The following MCTP2 variants were observed in gnomAD, a reference collection of about 807,000 sequenced individuals.
The protein encoded by MCTP2 is multiple C2 and transmembrane domain-containing protein 2.
Under a neutral mutation model 111.6 loss-of-function variants are expected in MCTP2, and 132 were observed. That is an observed-to-expected ratio of 1.18 (90% CI 1.03 to 1.37). The LOEUF is 1.37. Among genes scored for constraint, MCTP2 ranks in the 40% most tolerant of loss-of-function variants. The pLI is 0.00. For missense variants in MCTP2, 1,183 were observed against 1,067.9 expected, an observed-to-expected ratio of 1.11 and a Z score of -1.50; for synonymous variants, 395 against 387.7, an observed-to-expected ratio of 1.02 and a Z score of -0.22.
chr15:94,460,681 G>A lies in MCTP2; in HGVS notation c.2360+2435G>A, dbSNP rs147215634. ...GAAGAGGGCAGAGTGATTTAAACAG[G>A]CTCCCAACCCTGCAGTGCTTTGAGG... On this transcript the variant is annotated intron_variant, in intron 20 of 22. Transcript: ENST00000357742. Among the ~76,000 whole-genome samples, 385 of 152,288 alleles carry A rather than the reference G, an allele frequency of 2.5e-3. 1 individual carries two copies. The highest frequency in any genetic ancestry group is 8.5e-3 in the African/African-American group (352 of 41,560).
At chr15:94,475,831 C>T (rs976970170) in intron 21 of MCTP2, among the ~76,000 whole-genome samples, 7 of 152,076 alleles carry the variant, frequency 4.6e-5, no homozygotes, top group Non-Finnish European at 7.4e-5. Context: ...AGGGGCAGAG[C>T]GTGTCCTGGA....
At chr15:94,456,125 T>TAA (rs969453081) in intron 19 of MCTP2, among the ~76,000 whole-genome samples, 2 of 152,358 alleles carry the variant, frequency 1.3e-5, no homozygotes, top group African/African-American at 4.8e-5. Context: ...CTTCTACTCT[T>TAA]AAAAGTATTA....
At chr15:94,369,689 TAC>T (rs1410719896) in intron 11 of MCTP2, among the ~76,000 whole-genome samples, 2 of 152,216 alleles carry the variant, frequency 1.3e-5, no homozygotes, top group African/African-American at 4.8e-5. Flanking sequence ...ATAAAGTTTG[TAC>T]TAACTAGGTC....
intron 1 of MCTP2, among the ~76,000 whole-genome samples, chr15:94,251,590 G>A (rs1021925932): frequency 6.6e-5 from 10 of 151,964 alleles, no homozygotes; most frequent in African/African-American, 2.2e-4. Context: ...AACTCCCGAC[G>A]TCGGGTGATC....
chr15:94,466,251 C>G (rs1390000983), intron 20 of MCTP2, among the ~76,000 whole-genome samples: 1 of 152,026 alleles, frequency 6.6e-6, no homozygotes, highest in African/African-American at 2.4e-5. Context: ...GGCTCTTACT[C>G]ATGGTGTCAT....
intron 8 of MCTP2, among the ~76,000 whole-genome samples, chr15:94,349,328 A>C (rs1405755301): frequency 6.6e-6 from 1 of 152,170 alleles, no homozygotes; most frequent in East Asian, 1.9e-4. Context: ...CTCTCCTCTC[A>C]GTGATGTTTG....
chr15:94,397,236 C>G (rs2081324753), intron 14 of MCTP2, among the ~76,000 whole-genome samples: 1 of 152,152 alleles, frequency 6.6e-6, no homozygotes, highest in Non-Finnish European at 1.5e-5. Flanking sequence ...TTTGCTGACA[C>G]AATGTGAGGG....
At chr15:94,412,667 GA>G (rs1442814960) in intron 17 of MCTP2, among the ~76,000 whole-genome samples, 1 of 151,920 alleles carries the variant, frequency 6.6e-6, no homozygotes, top group Non-Finnish European at 1.5e-5. Context: ...TCTCTTTAAG[GA>G]ATAGAGTATT....
At chr15:94,384,546 T>G (rs1409947982) in intron 13 of MCTP2, among the ~76,000 whole-genome samples, 1 of 152,172 alleles carries the variant, frequency 6.6e-6, no homozygotes, top group Non-Finnish European at 1.5e-5. Context: ...TTCCAGTTTA[T>G]CTGAGCGACC....
chr15:94,375,299 C>T (rs74028288), intron 12 of MCTP2, among the ~76,000 whole-genome samples: 6,101 of 152,248 alleles, frequency 0.04, 389 homozygotes, highest in African/African-American at 0.14. Context: ...TCCTGCTGGG[C>T]CCCACCTCCA....
intron 2 of MCTP2, 31 bp downstream of exon 2, chr15:94,298,761 TG>T (rs2075396617): frequency 2.3e-5 from 32 of 1,408,160 alleles, no homozygotes; most frequent in Middle Eastern, 2.1e-4. Context: ...TCTTTTTTTT[TG>T]TCTCTCTCTC....
intron 19 of MCTP2, among the ~76,000 whole-genome samples, chr15:94,452,267 A>T (rs1359541771): frequency 2.0e-5 from 3 of 152,244 alleles, no homozygotes; most frequent in Admixed American, 6.5e-5. Context: ...AATCAATAGC[A>T]TCTTGTTTTA....
At position 94,437,155 on chromosome 15, in the gene MCTP2, CAAAAAAAAAAAAAA is replaced by C. The variant is rs11352999; in HGVS notation, c.2086-3011_2086-2998del. Among the ~76,000 whole-genome samples the C allele has an allele frequency of 4.3e-5, 3 of 69,560 alleles. No individual in the cohort carries two copies. In the Admixed American group the frequency reaches 4.9e-4, roughly 11 times the overall value. 45.6% of individuals were successfully genotyped at this position (69,560 alleles called of 152,430 possible). A position where few individuals can be genotyped will look rare whatever the true frequency, so the allele number is the denominator to read the frequency against. ...TTCAAAAATTTCACACTTACACATCCAAAAAAAAAAAAAAAAAAAAAAAGAGGTTTAGCACTAGG... is the reference window on the plus strand; with the variant it reads ...TTCAAAAATTTCACACTTACACATCCAAAAAAAAAGAGGTTTAGCACTAGG... On this transcript the variant is annotated intron_variant, in intron 17 of 22. Coordinates refer to ENST00000357742, the MANE Select transcript of MCTP2 (RefSeq NM_001385001.1).
intron 2 of MCTP2, among the ~76,000 whole-genome samples, chr15:94,305,856 G>A (rs901541098): frequency 6.6e-6 from 1 of 152,092 alleles, no homozygotes; most frequent in African/African-American, 2.4e-5. Context: ...GGAGGGAGAG[G>A]AGCTTATTTT....
chr15:94,404,785 C>T (rs778720332), intron 17 of MCTP2, among the ~76,000 whole-genome samples: 6 of 152,160 alleles, frequency 3.9e-5, no homozygotes, highest in Admixed American at 6.5e-5. Context: ...GCTGTGTCCC[C>T]GAGTCTGTGG....
Position 94,470,452 on chromosome 15 carries a change from G to T in MCTP2, c.2470+10G>T, listed in dbSNP as rs2073825698. 3 of 1,541,438 alleles carry T rather than the reference G, an allele frequency of 1.9e-6. No homozygotes were observed. The highest frequency in any genetic ancestry group is 2.7e-5 in the African/African-American group (2 of 73,416). ...ATCATTTTAATCTGGGGTAAGTTTG[G>T]AATGGTCCTTTTGCTAGCAATCAAT... On this transcript the variant is annotated intron_variant, in intron 21 of 22. Coordinates refer to ENST00000357742, the MANE Select transcript of MCTP2 (RefSeq NM_001385001.1).
At chr15:94,352,763 G>A (rs1424362270) in intron 8 of MCTP2, among the ~76,000 whole-genome samples, 3 of 152,006 alleles carry the variant, frequency 2.0e-5, no homozygotes, top group Admixed American at 2.0e-4. Flanking sequence ...TTTATTGTGA[G>A]GGAAAAAAGG....
chr15:94,282,244 A>T (rs981311250), intron 1 of MCTP2, among the ~76,000 whole-genome samples: 1 of 152,074 alleles, frequency 6.6e-6, no homozygotes, highest in Non-Finnish European at 1.5e-5. Context: ...TTTATTTTTT[A>T]AAATTCTCTT....
In MCTP2 at chr15:94,267,309, C is replaced by T. The variant is rs1165808869; in HGVS notation, c.-65-30892C>T. Among the ~76,000 whole-genome samples, 3 of 152,158 alleles carry T rather than the reference C, an allele frequency of 2.0e-5. No homozygotes were observed. In the South Asian group the frequency reaches 6.2e-4, roughly 32 times the overall value. On this transcript the variant is annotated intron_variant, in intron 1 of 22. Coordinates refer to ENST00000357742, the MANE Select transcript of MCTP2 (RefSeq NM_001385001.1). Reference sequence around the variant, plus strand: ...GAATGTCATTAAGAATGATATCATACAGTACGTTTGCTTTTTATGTACGAA... The same window carrying T: ...GAATGTCATTAAGAATGATATCATATAGTACGTTTGCTTTTTATGTACGAA...
Sources: gnomAD v4.1 joint callset for allele counts (sites outside exome capture counted in the v4.1 genomes callset) on GRCh38, gnomAD v4.1.1 for gene constraint, MANE v1.5 for transcripts, NCBI Gene and HGNC (gene_info 2026-07-23, HGNC 2026-07-21) for gene names.